Variants in CLMN observed in about 807,000 individuals in gnomAD.
The protein encoded by CLMN is calmin (calponin-like, transmembrane).
CLMN carries 57 observed loss-of-function variants against 92.7 expected under a neutral mutation model. The observed-to-expected ratio is 0.61, with a 90% CI of 0.50 to 0.77. The LOEUF (loss-of-function observed/expected upper bound fraction) is 0.77, where lower values mean the gene tolerates loss of function less well. Ranked by LOEUF, CLMN falls within the 30% of genes least tolerant of loss-of-function variation. CLMN has a pLI of 0.00. For missense variants in CLMN, 1,158 were observed against 1,237.5 expected (o/e 0.94, Z 0.96); for synonymous variants, 466 against 470.6 (o/e 0.99, Z 0.13).
intron 1 of CLMN, among the ~76,000 whole-genome samples, chr14:95,266,897 G>C (rs1363982135): frequency 6.6e-6 from 1 of 152,130 alleles, no homozygotes. Flanking sequence ...TGAATTTACA[G>C]CCAACTTATT....
chr14:95,202,797 C>T (rs1357815983), intron 9 of CLMN, 41 bp downstream of exon 9: 1 of 1,497,584 alleles, frequency 6.7e-7, no homozygotes. Flanking sequence ...ATCAAGTTTC[C>T]CAGGCAGGAC....
chr14:95,243,995 T>C (rs1032521674), intron 1 of CLMN, among the ~76,000 whole-genome samples: 1 of 152,166 alleles, frequency 6.6e-6, no homozygotes, highest in Non-Finnish European at 1.5e-5. Context: ...TCACGAGATC[T>C]GGTTGTTTAA....
At chr14:95,270,062 T>C (rs1265558522) in intron 1 of CLMN, among the ~76,000 whole-genome samples, 1 of 152,136 alleles carries the variant, frequency 6.6e-6, no homozygotes, top group Non-Finnish European at 1.5e-5. Flanking sequence ...GTAAAATGGC[T>C]TGGCCAGGGT....
intron 1 of CLMN, among the ~76,000 whole-genome samples, chr14:95,316,785 C>T (rs892857789): frequency 1.6e-4 from 25 of 152,222 alleles, no homozygotes; most frequent in Non-Finnish European, 2.9e-5. Flanking sequence ...GGCTACCCCT[C>T]ATTAATGACC....
intron 1 of CLMN, among the ~76,000 whole-genome samples, chr14:95,237,803 C>A (rs1389349862): frequency 2.0e-5 from 3 of 152,194 alleles, no homozygotes; most frequent in African/African-American, 4.8e-5. Context: ...AGATGCTTTA[C>A]ATGCACTTGC....
intron 1 of CLMN, 68 bp downstream of exon 1, chr14:95,319,643 A>C (rs1901957047): frequency 1.6e-6 from 2 of 1,285,534 alleles, no homozygotes; most frequent in African/African-American, 3.1e-5. Context: ...GGAGTTGCCA[A>C]GTGTCGGAGC....
At position 95,203,365 on chromosome 14, in the gene CLMN, T is replaced by G. The variant is rs767467800; in HGVS notation, c.1984A>C (p.Lys662Gln). The G allele has an allele frequency of 6.2e-7, 1 of 1,614,146 alleles. No individual in the cohort carries two copies. The part of the protein sequence containing the change: ...DKKPEVHEKA[K>Q]RKSTRPHYEE... ...TAATGAGGACGGGTGGACTTTCTCT[T>G]GGCCTTTTCATGCACCTCTGGCTTT... Residue 662 changes from lysine (K) to glutamine (Q), a missense_variant, in exon 9 of 13, where the codon AAG becomes CAG. Lys to Gln is a moderately conservative substitution (Grantham distance 53). Coordinates refer to ENST00000298912, the MANE Select transcript of CLMN (RefSeq NM_024734.4).
intron 9 of CLMN, among the ~76,000 whole-genome samples, chr14:95,197,382 T>C (rs371768318): frequency 3.4e-5 from 4 of 117,044 alleles, no homozygotes; most frequent in East Asian, 5.0e-4. Flanking sequence ...GGAAGGAAGA[T>C]AGAGAGAGAA....
At chr14:95,195,015 C>T (rs1301301991) in intron 10 of CLMN, among the ~76,000 whole-genome samples, 2 of 152,210 alleles carry the variant, frequency 1.3e-5, no homozygotes, top group African/African-American at 4.8e-5. Context: ...CCAAAATGTA[C>T]AAGTGGGAAT....
At chr14:95,242,862 C>A (rs565351330) in intron 1 of CLMN, among the ~76,000 whole-genome samples, 31 of 152,340 alleles carry the variant, frequency 2.0e-4, no homozygotes, top group Admixed American at 4.6e-4. Context: ...CCACCACGCC[C>A]AGCCTGGCAT....
chr14:95,248,618 AC>A (rs1898663930), intron 1 of CLMN, among the ~76,000 whole-genome samples: 1 of 152,048 alleles, frequency 6.6e-6, no homozygotes, highest in Non-Finnish European at 1.5e-5. Context: ...TTAGGTCACC[AC>A]CCCCTGCAAT....
chr14:95,214,172 T>C (rs936973638), intron 5 of CLMN, among the ~76,000 whole-genome samples: 7 of 152,186 alleles, frequency 4.6e-5, no homozygotes, highest in East Asian at 3.9e-4. Flanking sequence ...GCACCTGGCA[T>C]CTTGGAGAAA....
intron 12 of CLMN, chr14:95,192,252 A>G (rs191648691): frequency 8.5e-5 from 13 of 152,512 alleles, no homozygotes; most frequent in Admixed American, 8.5e-4. Context: ...AGAAAGAAAC[A>G]AAGACCTCTC....
intron 7 of CLMN, among the ~76,000 whole-genome samples, chr14:95,209,778 G>C (rs562373014): frequency 6.6e-6 from 1 of 152,158 alleles, no homozygotes; most frequent in African/African-American, 2.4e-5. Context: ...TGGCTCCATG[G>C]GCAAGGACGG....
chr14:95,245,522 G>A (rs1351404220), intron 1 of CLMN, among the ~76,000 whole-genome samples: 1 of 149,190 alleles, frequency 6.7e-6, no homozygotes, highest in Non-Finnish European at 1.5e-5. Context: ...GTAGATGGAT[G>A]GATGGATAGG....
intron 1 of CLMN, among the ~76,000 whole-genome samples, chr14:95,292,096 A>G (rs1017362939): frequency 6.6e-6 from 1 of 152,212 alleles, no homozygotes; most frequent in Non-Finnish European, 1.5e-5. Flanking sequence ...TTTCACAGAT[A>G]GGGGGACTGA....
At chr14:95,198,042 CTTTTTTTTTTT>C (rs1019598103) in intron 9 of CLMN, among the ~76,000 whole-genome samples, 7 of 69,964 alleles carry the variant, frequency 1.0e-4, no homozygotes, top group East Asian at 5.3e-4. Context: ...TTTTTTCTTT[CTTTTTTTTTTT>C]TTTTTTTTTT....
rs187689482 is a variant in CLMN at position 95,312,518 on chromosome 14, C to T, written c.82+7193G>A. Among the ~76,000 whole-genome samples the T allele has an allele frequency of 2.0e-5, 3 of 152,290 alleles. No individual in the cohort carries two copies. In the East Asian group the frequency reaches 5.8e-4, roughly 29 times the overall value. ...AGAAAATACAGTTCCTAACTTTCTA[C>T]AGGAAGTCCTCCAGATTGCTGTATT... On this transcript the variant is annotated intron_variant, in intron 1 of 12. Transcript: ENST00000298912.
chr14:95,277,532 A>G (rs527658786), intron 1 of CLMN, among the ~76,000 whole-genome samples: 4 of 151,100 alleles, frequency 2.6e-5, no homozygotes, highest in African/African-American at 9.8e-5. Flanking sequence ...TTGCAAGCTC[A>G]AAGTTGATTG....
Sources: gnomAD v4.1 joint callset for allele counts (sites outside exome capture counted in the v4.1 genomes callset) on GRCh38, gnomAD v4.1.1 for gene constraint, MANE v1.5 for transcripts, NCBI Gene and HGNC (gene_info 2026-07-23, HGNC 2026-07-21) for gene names.